DIAPH2: variants seen among roughly 807,000 people sequenced by gnomAD.
DIAPH2 encodes the protein protein diaphanous homolog 2.
Under a neutral mutation model 92.7 loss-of-function variants are expected in DIAPH2, and 35 were observed. The observed-to-expected ratio is 0.38, with a 90% CI of 0.29 to 0.50. The LOEUF (loss-of-function observed/expected upper bound fraction) is 0.50, where lower values mean the gene tolerates loss of function less well. DIAPH2 is among the 20% of genes least tolerant of loss of function. The probability of loss-of-function intolerance (pLI) is 0.94; values close to 1 mark genes in which losing one functional copy is unlikely to be tolerated. For synonymous variants in DIAPH2, 301 were observed against 280.4 expected (o/e 1.07, Z -0.73); for missense variants, 701 against 819.5 (o/e 0.86, Z 1.77).
At chrX:97,094,154 C>T (rs150511185) in intron 19 of DIAPH2, among the ~76,000 whole-genome samples, 63 of 111,306 alleles carry the variant, frequency 5.7e-4, no homozygotes, top group African/African-American at 2.0e-3. Context: ...AATGATGGGA[C>T]ATCTGGGTGG....
intron 3 of DIAPH2, among the ~76,000 whole-genome samples, chrX:96,752,893 T>G (rs766034727): frequency 1.8e-5 from 2 of 112,116 alleles, no homozygotes; most frequent in Non-Finnish European, 3.8e-5. Flanking sequence ...AGGCTTGTCA[T>G]GCATGATCAC....
At chrX:96,933,133 G>C (rs1047417462) in intron 10 of DIAPH2, among the ~76,000 whole-genome samples, 2 of 109,255 alleles carry the variant, frequency 1.8e-5, no homozygotes, top group African/African-American at 3.3e-5. Context: ...AGCTAAATAT[G>C]ATTAAATATG....
In DIAPH2 at chrX:97,239,834, A is replaced by ATCTCTCTC. The variant is rs370959933; in HGVS notation, c.2720-7863_2720-7856dup. Among the ~76,000 whole-genome samples, 384 of 98,110 alleles carry ATCTCTCTC rather than the reference A, an allele frequency of 3.9e-3. 4 individuals are homozygous for ATCTCTCTC. The highest frequency in any genetic ancestry group is 0.027 in the East Asian group (78 of 2,927). 85.2% of individuals were successfully genotyped at this position (98,110 alleles called of 115,157 possible). ...CATCACCCTGCAACCTCTAGTAAAA[A>ATCTCTCTC]TCTCTCTCTCTCTCTCTCTCTCTCT... On this transcript the variant is annotated intron_variant, in intron 22 of 26. Transcript: ENST00000324765.
intron 26 of DIAPH2, among the ~76,000 whole-genome samples, chrX:97,521,852 C>T (rs762709169): frequency 8.9e-6 from 1 of 112,115 alleles, no homozygotes; most frequent in Admixed American, 9.4e-5. Flanking sequence ...AATCTTAATT[C>T]TTCTTGTAAA....
At chrX:97,508,848 A>G (rs5966755) in intron 26 of DIAPH2, among the ~76,000 whole-genome samples, 51,399 of 108,578 alleles carry the variant, frequency 0.47, 8,909 homozygotes, top group East Asian at 0.56. Flanking sequence ...GCAGTCTTTC[A>G]TAATACCAGC....
intron 22 of DIAPH2, among the ~76,000 whole-genome samples, chrX:97,145,204 A>G (rs2067236520): frequency 9.0e-6 from 1 of 111,042 alleles, no homozygotes; most frequent in Non-Finnish European, 1.9e-5. Context: ...TAACATAGGC[A>G]TTGCATCCAG....
intron 1 of DIAPH2, among the ~76,000 whole-genome samples, chrX:96,734,051 A>G (rs1252069693): frequency 8.9e-6 from 1 of 112,350 alleles, no homozygotes; most frequent in Non-Finnish European, 1.9e-5. Flanking sequence ...GTCTCGTCCC[A>G]TAGGACCAAG....
rs888367212 is a variant in DIAPH2, at chrX:97,387,578, A to G, written c.3145+3534A>G. ...AGTCAGGCCCTCAACTGATTGGATG[A>G]GGCCCACTCACATCATGAGGTACAA... On this transcript the variant is annotated intron_variant, in intron 25 of 26. Coordinates refer to ENST00000324765, the MANE Select transcript of DIAPH2 (RefSeq NM_006729.5). Among the ~76,000 whole-genome samples the G allele has an allele frequency of 7.1e-5, 8 of 111,947 alleles. 1 individual carries two copies. The Admixed American group carries it at 7.6e-4, about 11-fold the overall frequency.
At chrX:97,315,409 G>C (rs1772659776) in intron 23 of DIAPH2, among the ~76,000 whole-genome samples, 1 of 111,734 alleles carries the variant, frequency 8.9e-6, no homozygotes, top group Non-Finnish European at 1.9e-5. Flanking sequence ...ATTTTTACTG[G>C]AGATTAATGA....
intron 26 of DIAPH2, among the ~76,000 whole-genome samples, chrX:97,485,586 T>C (rs940061778): frequency 8.8e-6 from 1 of 113,085 alleles, no homozygotes; most frequent in Non-Finnish European, 1.9e-5. Flanking sequence ...GAATTCTTCA[T>C]TGTTGTGCCT....
intron 4 of DIAPH2, among the ~76,000 whole-genome samples, chrX:96,760,302 C>A (rs1405979969): frequency 9.0e-6 from 1 of 111,083 alleles, no homozygotes; most frequent in African/African-American, 3.3e-5. Flanking sequence ...GAGGGTTGGC[C>A]TTCAGTGACA....
At chrX:96,988,147 T>A (rs927045775) in intron 17 of DIAPH2, among the ~76,000 whole-genome samples, 3 of 109,256 alleles carry the variant, frequency 2.7e-5, no homozygotes, top group Admixed American at 2.0e-4. Flanking sequence ...TTGGGGGATA[T>A]AGCTGTGATT....
intron 17 of DIAPH2, among the ~76,000 whole-genome samples, chrX:96,999,543 C>G (rs1291397604): frequency 9.5e-6 from 1 of 105,562 alleles, no homozygotes; most frequent in Non-Finnish European, 1.9e-5. Flanking sequence ...GAATATAGCT[C>G]TTCTGATGAC....
In DIAPH2 at chrX:96,719,152, T is replaced by G. The variant is rs1340970312; in HGVS notation, c.133-16606T>G. 4.1e-4 allele frequency among the ~76,000 whole-genome samples: 46 copies of G among 112,401 alleles called. No individual in the cohort carries two copies. In the Admixed American group the frequency reaches 4.3e-3, roughly 11 times the overall value. ...TTAGATTTTTTTCTCTATATAGAGTTGTTTGAGCTACTTATATATTCTGGT... is the reference window on the plus strand; with the variant it reads ...TTAGATTTTTTTCTCTATATAGAGTGGTTTGAGCTACTTATATATTCTGGT... On this transcript the variant is annotated intron_variant, in intron 1 of 26. Coordinates refer to ENST00000324765, the MANE Select transcript of DIAPH2 (RefSeq NM_006729.5).
At chrX:96,978,055 G>A (rs1188496373) in intron 17 of DIAPH2, among the ~76,000 whole-genome samples, 1 of 111,939 alleles carries the variant, frequency 8.9e-6, no homozygotes, top group Non-Finnish European at 1.9e-5. Flanking sequence ...TAACATTGCT[G>A]TATAAAACTA....
At chrX:96,689,483 T>C (rs189831784) in intron 1 of DIAPH2, among the ~76,000 whole-genome samples, 106 of 109,187 alleles carry the variant, frequency 9.7e-4, no homozygotes, top group African/African-American at 3.2e-3. Context: ...TGGATTCCAG[T>C]TGCAGCTTAT....
intron 23 of DIAPH2, among the ~76,000 whole-genome samples, chrX:97,267,711 T>C (rs1324101368): frequency 1.8e-5 from 2 of 111,998 alleles, no homozygotes; most frequent in African/African-American, 6.5e-5. Flanking sequence ...GGAAAACTCA[T>C]GTCACAGCAT....
intron 25 of DIAPH2, among the ~76,000 whole-genome samples, chrX:97,389,180 G>A (rs1395645254): frequency 9.0e-6 from 1 of 110,700 alleles, no homozygotes; most frequent in Non-Finnish European, 1.9e-5. Context: ...TAAAAATGGA[G>A]CCTATCGGCC....
chrX:96,898,170 G>C (rs1475087470), intron 5 of DIAPH2, among the ~76,000 whole-genome samples: 2 of 94,645 alleles, frequency 2.1e-5, no homozygotes, highest in African/African-American at 3.8e-5. Flanking sequence ...ATTGTGAATA[G>C]TGCCGCAATA....
Sources: allele counts gnomAD v4.1 joint callset (sites outside exome capture counted in the v4.1 genomes callset), GRCh38; gene constraint gnomAD v4.1.1; transcripts MANE v1.5; gene names NCBI Gene and HGNC (gene_info 2026-07-23, HGNC 2026-07-21).